IQCM: variants seen among roughly 807,000 people sequenced by gnomAD.
IQCM encodes the protein IQ motif containing M.
In IQCM, 45 loss-of-function variants were observed where a neutral mutation model predicts 57.6. The observed-to-expected ratio is 0.78, with a 90% CI of 0.62 to 1.00. The LOEUF is 1.00. Ranked by LOEUF, IQCM falls within the 50% of genes least tolerant of loss-of-function variation. The pLI, the probability that IQCM is intolerant of heterozygous loss-of-function variation, is 0.00. For synonymous variants in IQCM, 148 were observed against 158.9 expected, an observed-to-expected ratio of 0.93 and a Z score of 0.51; for missense variants, 468 against 511.6, an observed-to-expected ratio of 0.91 and a Z score of 0.82.
intron 4 of IQCM, among the ~76,000 whole-genome samples, chr4:149,734,581 A>T (rs1042162346): frequency 9.2e-5 from 14 of 152,282 alleles, no homozygotes; most frequent in Middle Eastern, 3.4e-3. Flanking sequence ...TTAAAAGCTT[A>T]CTTAAAATTT....
At chr4:149,778,347 G>A (rs1771297649) in intron 2 of IQCM, among the ~76,000 whole-genome samples, 1 of 152,058 alleles carries the variant, frequency 6.6e-6, no homozygotes, top group South Asian at 2.1e-4. Flanking sequence ...CTGCACTCCA[G>A]CCTGGAAGAC....
chr4:149,717,024 A>G (rs1366866259), intron 5 of IQCM, among the ~76,000 whole-genome samples: 1 of 152,188 alleles, frequency 6.6e-6, no homozygotes, highest in African/African-American at 2.4e-5. Flanking sequence ...GGACCCATCC[A>G]GACCTCACTC....
chr4:149,440,259 G>A (rs1324066786), intron 12 of IQCM, among the ~76,000 whole-genome samples: 4 of 150,324 alleles, frequency 2.7e-5, no homozygotes, highest in East Asian at 2.0e-4. Context: ...GAGCCACAGC[G>A]CCCAGCAAGT....
At position 149,567,232 on chromosome 4, in the gene IQCM, C is replaced by T. The variant is rs371208318; in HGVS notation, c.750-3342G>A. On this transcript the variant is annotated intron_variant, in intron 9 of 13. Transcript: ENST00000636793. ...ACATTGAAAGTTACTTAGTTATTTG[C>T]GTCTCTGTTACTTCTTTTTTACTCA... is the stretch of plus-strand genomic sequence containing the variant. Among the ~76,000 whole-genome samples the T allele has an allele frequency of 6.6e-5, 10 of 152,156 alleles. No homozygotes were observed. The South Asian group carries it at 8.3e-4, about 13-fold the overall frequency.
chr4:149,553,032 C>A (rs1749182645), intron 11 of IQCM, 111 bp downstream of exon 11: 1 of 740,948 alleles, frequency 1.3e-6, no homozygotes, highest in Non-Finnish European at 1.9e-6. Flanking sequence ...TTGCTTACAG[C>A]AATATAACAT....
intron 8 of IQCM, among the ~76,000 whole-genome samples, chr4:149,603,610 T>C (rs1256580895): frequency 2.0e-5 from 3 of 151,982 alleles, no homozygotes; most frequent in Non-Finnish European, 4.4e-5. Flanking sequence ...GTAGAAAAAG[T>C]GGTCTTCTAA....
intron 8 of IQCM, among the ~76,000 whole-genome samples, chr4:149,591,323 C>T (rs1031965558): frequency 5.3e-5 from 8 of 151,986 alleles, no homozygotes; most frequent in African/African-American, 1.7e-4. Flanking sequence ...AAACCATAAA[C>T]CTTTAGCCTT....
At chr4:149,666,094 C>A (rs570481390) in intron 7 of IQCM, 5 of 152,294 alleles carry the variant, frequency 3.3e-5, no homozygotes, top group Non-Finnish European at 7.3e-5. Flanking sequence ...TGGGACTTCA[C>A]CTTGTGTGAG....
chr4:149,582,729 C>T (rs888555626), intron 9 of IQCM, among the ~76,000 whole-genome samples: 5 of 151,510 alleles, frequency 3.3e-5, no homozygotes, highest in African/African-American at 7.3e-5. Flanking sequence ...ATTCACCATA[C>T]ATTTATTTTC....
intron 8 of IQCM, among the ~76,000 whole-genome samples, chr4:149,606,099 G>A (rs1561051499): frequency 6.6e-6 from 1 of 152,154 alleles, no homozygotes; most frequent in Non-Finnish European, 1.5e-5. Context: ...AGGAAGCAAG[G>A]CAGTATTTGC....
At chr4:149,358,617 T>C (rs1378395912) in intron 13 of IQCM, among the ~76,000 whole-genome samples, 2 of 152,124 alleles carry the variant, frequency 1.3e-5, no homozygotes, top group Admixed American at 6.6e-5. Flanking sequence ...AGAACAGTCC[T>C]TTTGATAAAA....
intron 12 of IQCM, among the ~76,000 whole-genome samples, chr4:149,534,468 A>T (rs1030325738): frequency 5.9e-5 from 9 of 152,292 alleles, no homozygotes; most frequent in African/African-American, 2.2e-4. Flanking sequence ...TGACAAGTGC[A>T]TATGAAGAAG....
chr4:149,391,478 T>C (rs1407988523), intron 13 of IQCM, among the ~76,000 whole-genome samples: 1 of 151,898 alleles, frequency 6.6e-6, no homozygotes, highest in Non-Finnish European at 1.5e-5. Context: ...TTTTCTATTA[T>C]TTATCTCATT....
intron 12 of IQCM, among the ~76,000 whole-genome samples, chr4:149,535,961 T>C (rs1747251235): frequency 6.6e-6 from 1 of 151,968 alleles, no homozygotes; most frequent in Non-Finnish European, 1.5e-5. Flanking sequence ...TGAGACCATA[T>C]GTCAAGAACC....
intron 7 of IQCM, among the ~76,000 whole-genome samples, chr4:149,659,442 G>A (rs1208033062): frequency 2.0e-5 from 3 of 152,004 alleles, no homozygotes; most frequent in African/African-American, 7.2e-5. Flanking sequence ...TCTCCATCAA[G>A]CTACCAATGA....
intron 2 of IQCM, among the ~76,000 whole-genome samples, chr4:149,791,600 C>A (rs967593314): frequency 6.6e-6 from 1 of 152,138 alleles, no homozygotes; most frequent in Admixed American, 6.5e-5. Flanking sequence ...CTTTTCCCAG[C>A]CTCCGGTAAC....
At chr4:149,545,528 A>G (rs1748305092) in intron 12 of IQCM, among the ~76,000 whole-genome samples, 1 of 152,148 alleles carries the variant, frequency 6.6e-6, no homozygotes, top group African/African-American at 2.4e-5. Flanking sequence ...TATTAAAAAG[A>G]CAAGAGATAG....
intron 7 of IQCM, among the ~76,000 whole-genome samples, chr4:149,631,490 C>T (rs1238512637): frequency 6.6e-6 from 1 of 152,070 alleles, no homozygotes; most frequent in Non-Finnish European, 1.5e-5. Flanking sequence ...TTTACTATAT[C>T]ATGCATTGAC....
At chr4:149,758,582 G>A (rs1769208182) in intron 2 of IQCM, among the ~76,000 whole-genome samples, 1 of 152,148 alleles carries the variant, frequency 6.6e-6, no homozygotes, top group Non-Finnish European at 1.5e-5. Flanking sequence ...AGATATATCT[G>A]ATACAGAACT....
Sources: allele counts gnomAD v4.1 joint callset (sites outside exome capture counted in the v4.1 genomes callset), GRCh38; gene constraint gnomAD v4.1.1; transcripts MANE v1.5; gene names NCBI Gene and HGNC (gene_info 2026-07-23, HGNC 2026-07-21).